The following FNTA variants were observed in gnomAD, a reference collection of about 807,000 sequenced individuals.
The protein encoded by FNTA is protein farnesyltransferase/geranylgeranyltransferase type-1 subunit alpha.
A neutral mutation model predicts 55.2 loss-of-function variants in FNTA; 27 were observed. The observed-to-expected ratio is 0.49, with a 90% confidence interval of 0.36 to 0.67. FNTA has a LOEUF of 0.67. Ranked by LOEUF, FNTA falls within the 30% of genes least tolerant of loss-of-function variation. FNTA has a pLI of 0.00. For missense variants in FNTA, 422 were observed against 464.7 expected (o/e 0.91, Z 0.85); for synonymous variants, 176 against 170.7 (o/e 1.03, Z -0.24).
At chr8:43,082,999 T>TC in intron 6 of FNTA, 119 bp from the exon 7 acceptor site, 1 of 557,790 alleles carries the variant, frequency 1.8e-6, no homozygotes, top group Non-Finnish European at 3.2e-6. Flanking sequence ...TGAGCTGAGA[T>TC]TGTGCCACTG....
intron 3 of FNTA, among the ~76,000 whole-genome samples, chr8:43,065,378 G>C (rs749919934): frequency 2.8e-4 from 43 of 152,074 alleles, no homozygotes; most frequent in Non-Finnish European, 5.7e-4. Flanking sequence ...CTCCCAGGTA[G>C]CTGGGATTAC....
intron 5 of FNTA, chr8:43,073,344 C>T (rs1379043925): frequency 6.6e-6 from 1 of 152,272 alleles, no homozygotes; most frequent in East Asian, 1.9e-4. Flanking sequence ...TGAAAAGCCC[C>T]CTTAACTGGC....
At chr8:43,061,583 T>C (rs981727927) in intron 2 of FNTA, among the ~76,000 whole-genome samples, 1 of 152,208 alleles carries the variant, frequency 6.6e-6, no homozygotes, top group African/African-American at 2.4e-5. Context: ...TAAAATAAAA[T>C]GTATCATTGT....
intron 4 of FNTA, chr8:43,070,200 C>A (rs1810756383): frequency 6.6e-6 from 1 of 151,518 alleles, no homozygotes; most frequent in African/African-American, 2.4e-5. Flanking sequence ...ATCCCAGCTA[C>A]TCAGGAGGCT....
rs1295662278 is a variant in FNTA at position 43,056,375 on chromosome 8, C to T, written c.29C>T (p.Ala10Val). 1.4e-6 allele frequency: 2 copies of T among 1,466,586 alleles called. No homozygotes were observed. The highest frequency in any genetic ancestry group is 1.8e-6 in the Non-Finnish European group (2 of 1,112,790). 90.8% of individuals were successfully genotyped at this position (1,466,586 alleles called of 1,614,324 possible). The change falls in exon 1 of 9, where the codon GCT becomes GTT. Residue 10 changes from alanine to valine, a missense_variant. By Grantham distance (64) the Ala-to-Val change is moderately conservative (BLOSUM62 0). Transcript: ENST00000302279. ...GCGGCCACCGAGGGGGTCGGGGAGG[C>T]TGCGCAAGGGGGCGAGCCCGGGCAG... MAATEGVGEAAQGGEPGQPA... is the reference protein window; with the variant it reads MAATEGVGEVAQGGEPGQPA...
intron 2 of FNTA, among the ~76,000 whole-genome samples, chr8:43,062,352 G>T (rs890485772): frequency 1.9e-4 from 29 of 151,898 alleles, no homozygotes; most frequent in Admixed American, 1.5e-3. Flanking sequence ...CGTGATCTCG[G>T]CTCACTGCAA....
At chr8:43,066,464 T>C (rs1470638042) in intron 3 of FNTA, among the ~76,000 whole-genome samples, 3 of 147,104 alleles carry the variant, frequency 2.0e-5, no homozygotes, top group African/African-American at 8.2e-5. Flanking sequence ...TTTCACCGTG[T>C]TAGCCAGGAT....
chr8:43,068,653 G>A (rs1810715440), intron 3 of FNTA, among the ~76,000 whole-genome samples: 1 of 152,222 alleles, frequency 6.6e-6, no homozygotes, highest in African/African-American at 2.4e-5. Flanking sequence ...TAGTTGGTTG[G>A]CTGTCATTAC....
At position 43,084,584 on chromosome 8, in the gene FNTA, C is replaced by T. The variant is rs532627627; in HGVS notation, c.846-126C>T. 6.9e-5 allele frequency: 47 copies of T among 678,458 alleles called. No individual in the cohort carries two copies. In the African/African-American group the frequency reaches 7.6e-4, roughly 11 times the overall value. The allele number at this position is 678,458 out of a possible 1,614,324, so 42.0% of individuals were successfully genotyped here. A position where few individuals can be genotyped will look rare whatever the true frequency, so the allele number is the denominator to read the frequency against. On this transcript the variant is annotated intron_variant, in intron 7 of 8. Coordinates refer to ENST00000302279, the MANE Select transcript of FNTA (RefSeq NM_002027.3). The stretch of plus-strand genomic sequence containing the variant: ...TTTAAAAGTTTCATTATAGTTTCAG[C>T]GTCATTCATTCAAAATAACTCTCCT...
chr8:43,067,435 T>G (rs1810685824), intron 3 of FNTA, among the ~76,000 whole-genome samples: 1 of 152,330 alleles, frequency 6.6e-6, no homozygotes, highest in African/African-American at 2.4e-5. Flanking sequence ...TGTTGTCATT[T>G]TAGTGGGGTT....
chr8:43,080,439 G>A (rs1417313050), intron 6 of FNTA: 2 of 152,144 alleles, frequency 1.3e-5, no homozygotes, highest in Non-Finnish European at 2.9e-5. Flanking sequence ...TTTTTTAATT[G>A]AGGTATGTAC....
At chr8:43,063,213 T>C in intron 2 of FNTA, 3 of 454,278 alleles carry the variant, frequency 6.6e-6, no homozygotes, top group South Asian at 4.7e-5. Context: ...CCCGAGTAGC[T>C]GTGACTGCAG....
intron 6 of FNTA, chr8:43,080,511 A>G (rs1811000752): frequency 6.6e-6 from 1 of 152,202 alleles, no homozygotes; most frequent in African/African-American, 2.4e-5. Flanking sequence ...AACATAATTT[A>G]TATGTGCTGG....
At chr8:43,057,869 A>G (rs553266298) in intron 1 of FNTA, among the ~76,000 whole-genome samples, 1 of 151,862 alleles carries the variant, frequency 6.6e-6, no homozygotes, top group East Asian at 1.9e-4. Flanking sequence ...GAGGCAGGAG[A>G]ATCGCTTTAA....
Position 43,058,028 on chromosome 8 carries a change from G to T in FNTA, c.201-1064G>T, listed in dbSNP as rs146114200. Reference sequence around the variant, plus strand: ...TTTAAGAGAAATTTTGTTACACTGGGTAGGTAGTTCACAGAAATTTCTGTA... The same window carrying T: ...TTTAAGAGAAATTTTGTTACACTGGTTAGGTAGTTCACAGAAATTTCTGTA... On this transcript the variant is annotated intron_variant, in intron 1 of 8. Transcript: ENST00000302279. 8.9e-3 allele frequency among the ~76,000 whole-genome samples: 1,347 copies of T among 152,162 alleles called. 25 individuals carry two copies. The highest frequency in any genetic ancestry group is 0.031 in the African/African-American group (1,276 of 41,502).
At position 43,075,724 on chromosome 8, in the gene FNTA, G is replaced by A. The variant is rs188439902; in HGVS notation, c.634-1492G>A. Among the ~76,000 whole-genome samples the A allele has an allele frequency of 4.6e-3, 694 of 152,286 alleles. 3 individuals are homozygous for A. The highest frequency in any genetic ancestry group is 7.9e-3 in the Non-Finnish European group (539 of 68,028). On this transcript the variant is annotated intron_variant, in intron 5 of 8. Coordinates refer to ENST00000302279, the MANE Select transcript of FNTA (RefSeq NM_002027.3). ...CCAGCTACTTGAGGAGCTGAGGCAA[G>A]AATATCGCTTGAGTCTGGGAGTTGG...
At chr8:43,073,432 A>G (rs1810840017) in intron 5 of FNTA, 1 of 152,194 alleles carries the variant, frequency 6.6e-6, no homozygotes, top group African/African-American at 2.4e-5. Context: ...GTTGTAGCTT[A>G]TGCATTTCTA....
In FNTA at chr8:43,056,334, G is replaced by C; in HGVS notation, c.-13G>C. On this transcript the variant is annotated 5_prime_UTR_variant, in exon 1 of 9. Coordinates refer to ENST00000302279, the MANE Select transcript of FNTA (RefSeq NM_002027.3). ...GGGCCTCCGCCACCACCTCAGCTGC[G>C]GACCGAGGCGAGATGGCGGCCACCG... The C allele has an allele frequency of 7.1e-7, 1 of 1,405,794 alleles. No individual in the cohort carries two copies. Among genetic ancestry groups the C allele is most frequent in the Non-Finnish European group, 9.2e-7 (1 of 1,088,940 alleles). The allele number at this position is 1,405,794 out of a possible 1,614,324, so 87.1% of individuals were successfully genotyped here.
At chr8:43,084,688 T>G in intron 7 of FNTA, 22 bp from the exon 8 acceptor site, 1 of 1,563,096 alleles carries the variant, frequency 6.4e-7, no homozygotes, top group Admixed American at 2.0e-5. Flanking sequence ...ATCAAGTCTT[T>G]GTTTTTTGTT....
Sources: allele counts gnomAD v4.1 joint callset (sites outside exome capture counted in the v4.1 genomes callset), GRCh38; gene constraint gnomAD v4.1.1; transcripts MANE v1.5; gene names NCBI Gene and HGNC (gene_info 2026-07-23, HGNC 2026-07-21).